The following CEP350 variants were observed in gnomAD, a reference collection of about 807,000 sequenced individuals.
CEP350 encodes centrosome-associated protein 350.
CEP350 carries 126 observed loss-of-function variants against 331.8 expected under a neutral mutation model. The observed-to-expected ratio is 0.38, with a 90% CI of 0.33 to 0.44. The LOEUF (loss-of-function observed/expected upper bound fraction) is 0.44. CEP350 is among the 20% of genes least tolerant of loss of function. CEP350 has a pLI of 1.00. For synonymous variants in CEP350, 1,200 were observed against 1,259.5 expected (o/e 0.95, Z 1.00); for missense variants, 3,406 against 3,634.6 (o/e 0.94, Z 1.62).
chr1:180,001,406 G>GCAC (rs950633933), intron 6 of CEP350, among the ~76,000 whole-genome samples: 15 of 152,158 alleles, frequency 9.9e-5, no homozygotes, highest in African/African-American at 3.6e-4. Flanking sequence ...TTACAGGCAT[G>GCAC]CACCACCATG....
intron 21 of CEP350, among the ~76,000 whole-genome samples, chr1:180,044,906 A>AT (rs569404251): frequency 6.6e-6 from 1 of 151,512 alleles, no homozygotes; most frequent in Admixed American, 6.6e-5. Flanking sequence ...GAAAAAAAAA[A>AT]AGAAACCCAT....
chr1:180,061,359 G>T (rs938484901), intron 25 of CEP350, among the ~76,000 whole-genome samples: 5 of 151,978 alleles, frequency 3.3e-5, no homozygotes, highest in African/African-American at 1.2e-4. Flanking sequence ...ACCACGCCTG[G>T]CTAATTTTTG....
intron 7 of CEP350, among the ~76,000 whole-genome samples, chr1:180,003,950 A>G (rs1477043948): frequency 6.6e-6 from 1 of 152,160 alleles, no homozygotes; most frequent in Non-Finnish European, 1.5e-5. Flanking sequence ...CTTTGTAGTA[A>G]GCCCTCACAA....
chr1:180,077,841 A>T (rs1340652471), intron 28 of CEP350, among the ~76,000 whole-genome samples: 2 of 152,106 alleles, frequency 1.3e-5, no homozygotes, highest in Non-Finnish European at 2.9e-5. Flanking sequence ...CTCATTAAAA[A>T]ATTTATATGA....
At chr1:180,038,503 A>T (rs1656524020) in intron 17 of CEP350, among the ~76,000 whole-genome samples, 1 of 152,206 alleles carries the variant, frequency 6.6e-6, no homozygotes, top group South Asian at 2.1e-4. Context: ...CACTCTTGTA[A>T]TATATAGGAG....
rs1658609102 is a variant in CEP350 at position 180,067,445 on chromosome 1, TTG to T, written c.5567+2174_5567+2175del. Among the ~76,000 whole-genome samples the T allele has an allele frequency of 2.0e-5, 3 of 152,292 alleles. No individual in the cohort carries two copies. In the South Asian group the frequency reaches 6.2e-4, roughly 32 times the overall value. Reference sequence around the variant, plus strand: ...GGCTCACGCCTGTAATCCCAGCATTTTGGGAGGCCGAGGCAGGCAGATCACCT... The same window carrying T: ...GGCTCACGCCTGTAATCCCAGCATTTGGAGGCCGAGGCAGGCAGATCACCT... On this transcript the variant is annotated intron_variant, in intron 27 of 37. Coordinates refer to ENST00000367607, the MANE Select transcript of CEP350 (RefSeq NM_014810.5).
chr1:180,087,342 CTTAA>C (rs1400130161), intron 31 of CEP350: 2 of 286,026 alleles, frequency 7.0e-6, no homozygotes, highest in African/African-American at 4.4e-5. Flanking sequence ...AATGTCATTT[CTTAA>C]TTGATACTGG....
Position 179,989,316 on chromosome 1 carries a change from C to CA in CEP350, c.121-1182dup, listed in dbSNP as rs1011629006. On this transcript the variant is annotated intron_variant, in intron 3 of 37. Coordinates refer to ENST00000367607, the MANE Select transcript of CEP350 (RefSeq NM_014810.5). ...TTCTGAATTTTAAACTCCATCTCTA[C>CA]AAAAAAAAATACAAAAATTAGCTGG... is the stretch of plus-strand genomic sequence containing the variant. Among the ~76,000 whole-genome samples, 336 of 149,280 alleles carry CA rather than the reference C, an allele frequency of 2.3e-3. 3 individuals are homozygous for CA. The highest frequency in any genetic ancestry group is 7.5e-3 in the African/African-American group (305 of 40,742).
At chr1:179,990,050 G>A (rs931163293) in intron 3 of CEP350, among the ~76,000 whole-genome samples, 7 of 151,544 alleles carry the variant, frequency 4.6e-5, no homozygotes, top group African/African-American at 7.3e-5. Context: ...TTAGCCCGGC[G>A]TGGTGGCGCA....
rs1198948925 is a variant in CEP350 at position 180,094,671 on chromosome 1, G to A, written c.8511+55G>A. 2.6e-6 allele frequency: 4 copies of A among 1,541,096 alleles called. No homozygotes were observed. The African/African-American group carries it at 4.2e-5, about 16-fold the overall frequency. Reference sequence around the variant, plus strand: ...TATACCTTTTGACACTTTTAACAAGGCAACTTACCTTGCCTATATAGTACA... The same window carrying A: ...TATACCTTTTGACACTTTTAACAAGACAACTTACCTTGCCTATATAGTACA... On this transcript the variant is annotated intron_variant, in intron 34 of 37. Transcript: ENST00000367607.
chr1:180,022,459 G>A (rs1655390415), intron 12 of CEP350, among the ~76,000 whole-genome samples: 1 of 152,070 alleles, frequency 6.6e-6, no homozygotes, highest in Non-Finnish European at 1.5e-5. Context: ...GTTGAAGCAG[G>A]ATGATGAATA....
intron 27 of CEP350, among the ~76,000 whole-genome samples, chr1:180,071,272 A>AC (rs1658873292): frequency 6.6e-6 from 1 of 151,278 alleles, no homozygotes; most frequent in African/African-American, 2.4e-5. Flanking sequence ...AGCCTGGCCC[A>AC]CATGGTAAAA....
At position 180,093,783 on chromosome 1, in the gene CEP350, C is replaced by A; in HGVS notation, c.7678C>A (p.Pro2560Thr). 1.2e-6 allele frequency: 2 copies of A among 1,613,752 alleles called. No homozygotes were observed. Among genetic ancestry groups the A allele is most frequent in the South Asian group, 2.2e-5 (2 of 91,062 alleles). The change falls in exon 34 of 38, where the codon CCT becomes ACT. Residue 2560 changes from proline to threonine, a missense_variant. Transcript: ENST00000367607. ...CKEKHGIFAP[P>T]QKISHIPENF... ...AGAAAAGCATGGTATTTTTGCTCCT[C>A]CTCAAAAAATATCTCACATTCCAGA...
intron 25 of CEP350, among the ~76,000 whole-genome samples, chr1:180,060,933 G>T (rs538899563): frequency 1.4e-4 from 22 of 152,042 alleles, no homozygotes; most frequent in Non-Finnish European, 2.9e-4. Context: ...ACCCATGATA[G>T]TTGTTACCTC....
chr1:180,036,987 G>C lies in CEP350; in HGVS notation c.4008G>C (p.Leu1336=). The change falls in exon 17 of 38, where the codon CTG becomes CTC. Residue 1336 remains leucine, a synonymous_variant. Coordinates refer to ENST00000367607, the MANE Select transcript of CEP350 (RefSeq NM_014810.5). ...GTATGGCAGCAGAACTCAGTTATCTGAACGCCATTGAGGAGTCGGTGCGCC... is the reference window on the plus strand; with the variant it reads ...GTATGGCAGCAGAACTCAGTTATCTCAACGCCATTGAGGAGTCGGTGCGCC... ...HHRMAAELSY[L]NAIEESVRQL... The C allele has an allele frequency of 6.3e-7, 1 of 1,596,556 alleles. No individual in the cohort carries two copies. The highest frequency in any genetic ancestry group is 8.5e-7 in the Non-Finnish European group (1 of 1,171,382).
intron 6 of CEP350, among the ~76,000 whole-genome samples, chr1:180,001,693 G>A (rs573023726): frequency 3.9e-5 from 6 of 152,328 alleles, no homozygotes; most frequent in South Asian, 4.1e-4. Flanking sequence ...CAATTTGTCC[G>A]TATAAACGGC....
chr1:180,044,447 A>T (rs961563979), intron 21 of CEP350, among the ~76,000 whole-genome samples: 17 of 152,104 alleles, frequency 1.1e-4, no homozygotes, highest in African/African-American at 4.1e-4. Flanking sequence ...AGATGGTATT[A>T]TCCTTATAGG....
In CEP350 at chr1:180,086,540, C is replaced by CATATATAT. The variant is rs35457934; in HGVS notation, c.6286-1024_6286-1017dup. ...TTAAAATTACAGTATATGAGATATG[C>CATATATAT]ATATATATATATATATATATAAAAT... On this transcript the variant is annotated intron_variant, in intron 31 of 37. Transcript: ENST00000367607. 5.3e-5 allele frequency among the ~76,000 whole-genome samples: 8 copies of CATATATAT among 149,750 alleles called. No individual in the cohort carries two copies. In the East Asian group the frequency reaches 1.6e-3, roughly 29 times the overall value.
At chr1:180,054,130 C>A (rs1657672588) in intron 24 of CEP350, among the ~76,000 whole-genome samples, 196 bp downstream of exon 24, 1 of 152,098 alleles carries the variant, frequency 6.6e-6, no homozygotes, top group Non-Finnish European at 1.5e-5. Context: ...CTTTGCATTC[C>A]CCTTTTATCA....
Sources: allele counts gnomAD v4.1 joint callset (sites outside exome capture counted in the v4.1 genomes callset), GRCh38; gene constraint gnomAD v4.1.1; transcripts MANE v1.5; gene names NCBI Gene and HGNC (gene_info 2026-07-23, HGNC 2026-07-21).